Variants in C8orf89 observed in about 807,000 individuals in gnomAD.
C8orf89 encodes chromosome 8 open reading frame 89.
In C8orf89, 14 loss-of-function variants were observed where a neutral mutation model predicts 15.8. The observed-to-expected ratio is 0.89, with a 90% confidence interval of 0.59 to 1.39. The LOEUF (loss-of-function observed/expected upper bound fraction) is 1.39, where lower values mean the gene tolerates loss of function less well. Among genes scored for constraint, C8orf89 ranks in the 40% most tolerant of loss-of-function variants. The pLI is 0.00. For missense variants in C8orf89, 181 were observed against 184.5 expected, an observed-to-expected ratio of 0.98 and a Z score of 0.11; for synonymous variants, 55 against 62.2, an observed-to-expected ratio of 0.88 and a Z score of 0.54.
the C8orf89 span, among the ~76,000 whole-genome samples, chr8:73,274,192 C>T: frequency 9.2e-5 from 14 of 151,882 alleles, 1 homozygote; most frequent in Admixed American, 7.9e-4. Context: ...CTTGCTCTGT[C>T]GCCCAGGCTG....
chr8:73,260,269 G>A (rs1044677584), upstream of C8orf89, among the ~76,000 whole-genome samples: 3 of 151,814 alleles, frequency 2.0e-5, no homozygotes, highest in African/African-American at 4.8e-5. Context: ...CTCTGATCTC[G>A]GCAAACTATC....
upstream of C8orf89, chr8:73,259,594 T>C: frequency 2.0e-6 from 1 of 498,018 alleles, no homozygotes; most frequent in Non-Finnish European, 3.2e-6. Context: ...ACTTTGAACA[T>C]TTTAATGAAT....
intron 3 of C8orf89, among the ~76,000 whole-genome samples, chr8:73,246,792 A>G (rs537220580): frequency 6.6e-6 from 1 of 152,234 alleles, no homozygotes; most frequent in Non-Finnish European, 1.5e-5. Flanking sequence ...GGAAAAGTTC[A>G]TGAACATTTA....
chr8:73,285,671 A>C, the C8orf89 span, among the ~76,000 whole-genome samples: 1 of 152,302 alleles, frequency 6.6e-6, no homozygotes, highest in South Asian at 2.1e-4. Flanking sequence ...GTTGCGGCCC[A>C]GGTAGGAGGC....
chr8:73,274,728 G>A, the C8orf89 span, among the ~76,000 whole-genome samples: 1 of 152,110 alleles, frequency 6.6e-6, no homozygotes, highest in East Asian at 1.9e-4. Flanking sequence ...TATTTTAACT[G>A]CACGTAGGTA....
the C8orf89 span, among the ~76,000 whole-genome samples, chr8:73,283,390 G>A: frequency 6.6e-6 from 1 of 152,190 alleles, no homozygotes; most frequent in South Asian, 2.1e-4. Context: ...CCCAGGAACT[G>A]AAGCAAAATG....
the C8orf89 span, among the ~76,000 whole-genome samples, chr8:73,265,833 A>G: frequency 6.6e-6 from 1 of 152,194 alleles, no homozygotes. Context: ...AGATTCCCTA[A>G]CAGTACCTGA....
upstream of C8orf89, among the ~76,000 whole-genome samples, chr8:73,264,350 T>G (rs1313716235): frequency 6.6e-6 from 1 of 152,210 alleles, no homozygotes; most frequent in Non-Finnish European, 1.5e-5. Flanking sequence ...TCACAAGTAT[T>G]GACTTTGGGG....
chr8:73,247,188 C>A (rs1813146120), intron 3 of C8orf89, among the ~76,000 whole-genome samples: 1 of 152,040 alleles, frequency 6.6e-6, no homozygotes, highest in African/African-American at 2.4e-5. Flanking sequence ...TCCTTTCCCA[C>A]CTCCCACCCT....
At chr8:73,277,896 C>T in the C8orf89 span, 2 of 685,770 alleles carry the variant, frequency 2.9e-6, no homozygotes. Flanking sequence ...AGGTCTATAT[C>T]CTCCAGGTAC....
At chr8:73,274,367 G>A in the C8orf89 span, among the ~76,000 whole-genome samples, 4 of 152,074 alleles carry the variant, frequency 2.6e-5, no homozygotes, top group African/African-American at 9.7e-5. Flanking sequence ...TAGCCAGGAT[G>A]GTCTCAACCT....
the C8orf89 span, chr8:73,277,507 C>G: frequency 1.3e-6 from 1 of 792,562 alleles, no homozygotes; most frequent in Non-Finnish European, 2.2e-6. Context: ...GAAAACTTCC[C>G]TGAGGATGAA....
chr8:73,274,246 C>T, the C8orf89 span, among the ~76,000 whole-genome samples: 11 of 152,202 alleles, frequency 7.2e-5, no homozygotes, highest in Non-Finnish European at 1.3e-4. Context: ...CTCCGCCTCC[C>T]GGGTTCACGC....
chr8:73,259,567 T>C, upstream of C8orf89: 1 of 631,766 alleles, frequency 1.6e-6, no homozygotes, highest in South Asian at 4.7e-5. Flanking sequence ...AGATGTGTCA[T>C]AATGTTTCTC....
intron 3 of C8orf89, among the ~76,000 whole-genome samples, chr8:73,242,667 G>T: frequency 6.6e-6 from 1 of 152,058 alleles, no homozygotes; most frequent in East Asian, 1.9e-4. Context: ...TGCTGGCAAG[G>T]ATGCAGAGAA....
At chr8:73,267,943 T>G in the C8orf89 span, among the ~76,000 whole-genome samples, 1 of 152,142 alleles carries the variant, frequency 6.6e-6, no homozygotes, top group Non-Finnish European at 1.5e-5. Context: ...ACCATCTATA[T>G]AGCATTCTTG....
At chr8:73,270,770 A>G in the C8orf89 span, among the ~76,000 whole-genome samples, 1 of 152,136 alleles carries the variant, frequency 6.6e-6, no homozygotes, top group Non-Finnish European at 1.5e-5. Flanking sequence ...TAAATTAATA[A>G]ATAAATATTA....
intron 2 of C8orf89, among the ~76,000 whole-genome samples, chr8:73,255,883 C>T (rs931060938): frequency 4.0e-5 from 6 of 150,356 alleles, no homozygotes; most frequent in African/African-American, 1.5e-4. Flanking sequence ...ACCGCATATT[C>T]TCACTCATAG....
At chr8:73,254,318 T>C (rs1813317269) in intron 2 of C8orf89, among the ~76,000 whole-genome samples, 1 of 152,104 alleles carries the variant, frequency 6.6e-6, no homozygotes, top group South Asian at 2.1e-4. Context: ...TTTGATGTGC[T>C]GCTGGATTCG....
Sources: allele counts gnomAD v4.1 joint callset (sites outside exome capture counted in the v4.1 genomes callset), GRCh38; gene constraint gnomAD v4.1.1; transcripts MANE v1.5; gene names NCBI Gene and HGNC (gene_info 2026-07-23, HGNC 2026-07-21).